APOBEC1: variants seen among roughly 807,000 people sequenced by gnomAD.
The protein encoded by APOBEC1 is apolipoprotein B mRNA editing enzyme catalytic subunit 1.
A neutral mutation model predicts 26.3 loss-of-function variants in APOBEC1; 22 were observed. That is an observed-to-expected ratio of 0.84 (90% CI 0.60 to 1.19). The LOEUF (loss-of-function observed/expected upper bound fraction) is 1.19. Ranked by LOEUF, APOBEC1 falls within the 50% of genes most tolerant of loss-of-function variation. The pLI is 0.00. For missense variants in APOBEC1, 253 were observed against 289.0 expected (o/e 0.88, Z 0.90); for synonymous variants, 77 against 95.3 (o/e 0.81, Z 1.12).
chr12:7,670,535 G>A (rs113868913), upstream of APOBEC1, among the ~76,000 whole-genome samples: 17 of 138,562 alleles, frequency 1.2e-4, 5 homozygotes, highest in Admixed American at 4.4e-4. Context: ...CGGGTGGATC[G>A]CCTGAGGTCA....
At chr12:7,651,981 T>C (rs1362778054) in intron 3 of APOBEC1, among the ~76,000 whole-genome samples, 5 of 151,176 alleles carry the variant, frequency 3.3e-5, no homozygotes, top group East Asian at 3.9e-4. Context: ...CCACCACGCC[T>C]GGCTAATTTT....
At chr12:7,654,565 T>G in intron 2 of APOBEC1, 40 bp downstream of exon 2, 1 of 1,605,956 alleles carries the variant, frequency 6.2e-7, no homozygotes, top group Non-Finnish European at 8.5e-7. Flanking sequence ...CATTGATTCT[T>G]GATCAAATTA....
chr12:7,664,947 G>A (rs558569965), intron 1 of APOBEC1, among the ~76,000 whole-genome samples: 4 of 151,670 alleles, frequency 2.6e-5, no homozygotes, highest in African/African-American at 4.8e-5. Flanking sequence ...GCTCATGCCT[G>A]TATTCCTAGT....
chr12:7,653,503 T>C (rs1411099127), intron 2 of APOBEC1, among the ~76,000 whole-genome samples: 2 of 150,378 alleles, frequency 1.3e-5, no homozygotes. Context: ...TTTTTTTTTT[T>C]TTTTTTTAAG....
chr12:7,661,470 A>G (rs1451503169), intron 1 of APOBEC1, among the ~76,000 whole-genome samples: 1 of 151,984 alleles, frequency 6.6e-6, no homozygotes, highest in Non-Finnish European at 1.5e-5. Flanking sequence ...AGAAGCCAGG[A>G]TATCTTTGAT....
intron 1 of APOBEC1, among the ~76,000 whole-genome samples, chr12:7,658,485 A>G (rs1863748660): frequency 6.6e-6 from 1 of 152,150 alleles, no homozygotes; most frequent in Admixed American, 6.6e-5. Flanking sequence ...GGAATTGGAG[A>G]CTAAAGATTT....
rs528808290 is a variant in APOBEC1, at chr12:7,652,656, T to C, written c.224A>G (p.Asp75Gly). 57 of 1,613,878 alleles carry C rather than the reference T, an allele frequency of 3.5e-5. 1 individual carries two copies. The South Asian group carries it at 6.3e-4, about 18-fold the overall frequency. Residue 75 changes from aspartate to glycine, a missense_variant, in exon 3 of 5, where the codon GAT (aspartate) becomes GGT (glycine). Coordinates refer to ENST00000229304, the MANE Select transcript of APOBEC1 (RefSeq NM_001644.5). ...GGAGCAGCTCATGGATGGGTGAAAA[T>C]CTCTTTCTGACGTAAATTTTTTTAT... ...NFIKKFTSER[D>G]FHPSMSCSIT...
chr12:7,653,152 A>G (rs1396072816), intron 2 of APOBEC1, among the ~76,000 whole-genome samples: 1 of 151,812 alleles, frequency 6.6e-6, no homozygotes, highest in Admixed American at 6.6e-5. Flanking sequence ...GGCTGGTCTC[A>G]AACTCCTGAC....
upstream of APOBEC1, among the ~76,000 whole-genome samples, chr12:7,667,924 A>AG (rs1402393945): frequency 6.7e-6 from 1 of 150,104 alleles, no homozygotes; most frequent in Non-Finnish European, 1.5e-5. Context: ...AAAAAAAAGA[A>AG]AAAAAAAAAA....
intron 1 of APOBEC1, 22 bp from the exon 2 acceptor site, chr12:7,654,654 T>C (rs375025844): frequency 1.2e-6 from 2 of 1,613,052 alleles, no homozygotes; most frequent in South Asian, 1.1e-5. Flanking sequence ...GATATGATTA[T>C]GTCAAACAAC....
Position 7,649,676 on chromosome 12 carries a change from C to G in APOBEC1, c.582G>C (p.Lys194Asn). 6.2e-7 allele frequency: 1 copy of G among 1,613,014 alleles called. No individual in the cohort carries two copies. The part of the protein sequence containing the change: ...CIILSLPPCL[K>N]ISRRWQNHLT... ...GATGATTTTGCCATCTTCTTGAAATCTTTAAACAGGGTGGAAGACTCTGGA... is the reference window on the plus strand; with the variant it reads ...GATGATTTTGCCATCTTCTTGAAATGTTTAAACAGGGTGGAAGACTCTGGA... Residue 194 changes from lysine (K) to asparagine (N), a missense_variant, in exon 5 of 5, where the codon AAG (lysine) becomes AAC (asparagine). Physicochemically the swap from Lys to Asn is moderately conservative, Grantham distance 94. Coordinates refer to ENST00000229304, the MANE Select transcript of APOBEC1 (RefSeq NM_001644.5).
At position 7,649,602 on chromosome 12, in the gene APOBEC1, G is replaced by T. The variant is rs778220694; in HGVS notation, c.656C>A (p.Pro219Gln). 6.2e-7 allele frequency: 1 copy of T among 1,613,936 alleles called. No homozygotes were observed. The highest frequency in any genetic ancestry group is 8.5e-7 in the Non-Finnish European group (1 of 1,180,004). Residue 219 changes from proline to glutamine, a missense_variant, in exon 5 of 5, where the codon CCG becomes CAG. By Grantham distance (76) the Pro-to-Gln change is moderately conservative. Coordinates refer to ENST00000229304, the MANE Select transcript of APOBEC1 (RefSeq NM_001644.5). ...CCCTGTAGCTAAAAGGATGTGTGGC[G>T]GAATCGTTTGGTAATGGCAGTTTTG... is the stretch of plus-strand genomic sequence containing the variant. ...HLQNCHYQTI[P>Q]PHILLATGLI...
At chr12:7,662,052 G>A (rs11055088) in intron 1 of APOBEC1, among the ~76,000 whole-genome samples, 57,822 of 151,634 alleles carry the variant, frequency 0.38, 12,498 homozygotes, top group Non-Finnish European at 0.51. Flanking sequence ...TGAGACTACC[G>A]TAAGCAACAC....
chr12:7,658,697 C>T (rs774653869), intron 1 of APOBEC1, among the ~76,000 whole-genome samples: 10 of 152,078 alleles, frequency 6.6e-5, no homozygotes, highest in Non-Finnish European at 1.2e-4. Context: ...AGGCCAGGCG[C>T]GGTGGCTGAC....
At chr12:7,654,388 T>TC (rs34124287) in intron 2 of APOBEC1, among the ~76,000 whole-genome samples, 1 of 145,192 alleles carries the variant, frequency 6.9e-6, no homozygotes, top group Non-Finnish European at 1.5e-5. Flanking sequence ...TTTTTTTTTT[T>TC]TGAGACAGGG....
chr12:7,660,240 T>C (rs1863787084), intron 1 of APOBEC1, among the ~76,000 whole-genome samples: 1 of 147,826 alleles, frequency 6.8e-6, no homozygotes, highest in South Asian at 2.1e-4. Flanking sequence ...GAGGCAGAGG[T>C]TGCAGTGAGC....
At position 7,665,876 on chromosome 12, in the gene APOBEC1, G is replaced by A. The variant is rs751496661; in HGVS notation, c.-4C>T. 3 of 1,612,654 alleles carry A rather than the reference G, an allele frequency of 1.9e-6. No homozygotes were observed. In the African/African-American group the frequency reaches 4.0e-5, roughly 22 times the overall value. On this transcript the variant is annotated 5_prime_UTR_variant, in exon 1 of 5. Coordinates refer to ENST00000229304, the MANE Select transcript of APOBEC1 (RefSeq NM_001644.5). ...TTTTACCTTTCTCAGAAGTCATGGT[G>A]CTCTGTCTCTGGACTTCCTCCTCTG...
intron 1 of APOBEC1, among the ~76,000 whole-genome samples, chr12:7,661,087 T>C (rs1226533699): frequency 6.7e-6 from 1 of 150,190 alleles, no homozygotes; most frequent in East Asian, 2.0e-4. Flanking sequence ...GCACCTATAG[T>C]TCCAGCTACT....
intron 4 of APOBEC1, 138 bp from the exon 5 acceptor site, chr12:7,649,834 G>T (rs1247873990): frequency 2.6e-6 from 2 of 755,410 alleles, no homozygotes; most frequent in Non-Finnish European, 4.1e-6. Context: ...GACAGGGTCT[G>T]GTTCTGGACT....
Sources: allele counts gnomAD v4.1 joint callset (sites outside exome capture counted in the v4.1 genomes callset), GRCh38; gene constraint gnomAD v4.1.1; transcripts MANE v1.5; gene names NCBI Gene and HGNC (gene_info 2026-07-23, HGNC 2026-07-21).